The following FOXP1 variants were observed in gnomAD, a reference collection of about 807,000 sequenced individuals.
FOXP1 encodes the protein forkhead box P1.
Under a neutral mutation model 98.2 loss-of-function variants are expected in FOXP1, and 15 were observed. The ratio of observed to expected loss-of-function variants is 0.15; its 90% CI spans 0.10 to 0.24. The LOEUF is 0.24. Ranked by LOEUF, FOXP1 falls within the 10% of genes least tolerant of loss-of-function variation. The pLI is 1.00. For synonymous variants in FOXP1, 371 were observed against 314.5 expected (o/e 1.18, Z -1.90); for missense variants, 633 against 848.5 (o/e 0.75, Z 3.15).
intron 3 of FOXP1, among the ~76,000 whole-genome samples, chr3:71,476,955 G>A (rs2089900997): frequency 1.3e-5 from 2 of 152,146 alleles, no homozygotes; most frequent in Admixed American, 6.5e-5. Context: ...TTACTCATCT[G>A]AAGGAAACTT....
chr3:71,527,087 A>T (rs991371027), intron 2 of FOXP1, among the ~76,000 whole-genome samples: 3 of 152,016 alleles, frequency 2.0e-5, no homozygotes, highest in Admixed American at 2.0e-4. Context: ...CTCTAGGCTG[A>T]TGCAGACAAG....
intron 5 of FOXP1, among the ~76,000 whole-genome samples, chr3:71,207,630 C>T (rs1025117857): frequency 4.6e-5 from 7 of 152,314 alleles, no homozygotes; most frequent in African/African-American, 1.7e-4. Context: ...CCAGCCTCCA[C>T]CCTCACCCTG....
chr3:70,978,181 G>A (rs1320945568), intron 14 of FOXP1, 152 bp from the exon 15 acceptor site: 5 of 695,422 alleles, frequency 7.2e-6, no homozygotes, highest in Admixed American at 4.2e-5. Context: ...CACACGGTGA[G>A]TCCTGCGTGA....
In FOXP1 at chr3:71,456,197, C is replaced by T. The variant is rs149479120; in HGVS notation, c.-168+37229G>A. On this transcript the variant is annotated intron_variant, in intron 3 of 20. Coordinates refer to ENST00000649528, the MANE Select transcript of FOXP1 (RefSeq NM_001349338.3). ...TATGGGGCATACTTTTTGAAACCAA[C>T]AAACAAGTCGCCCTTGCTGTATTGC... 6.1e-4 allele frequency among the ~76,000 whole-genome samples: 93 copies of T among 152,180 alleles called. 1 individual carries two copies. The highest frequency in any genetic ancestry group is 2.1e-3 in the African/African-American group (88 of 41,526).
intron 12 of FOXP1, among the ~76,000 whole-genome samples, chr3:71,012,346 C>T (rs1366070876): frequency 6.6e-6 from 1 of 152,090 alleles, no homozygotes; most frequent in Non-Finnish European, 1.5e-5. Context: ...AAGAACAAAA[C>T]TAAGATTCTA....
intron 10 of FOXP1, among the ~76,000 whole-genome samples, chr3:71,042,185 T>C (rs2048440638): frequency 6.6e-6 from 1 of 152,218 alleles, no homozygotes; most frequent in African/African-American, 2.4e-5. Flanking sequence ...TAACTTTTTA[T>C]ACAAGTAACA....
At chr3:71,099,373 G>A (rs1298123481) in intron 7 of FOXP1, among the ~76,000 whole-genome samples, 2 of 152,092 alleles carry the variant, frequency 1.3e-5, no homozygotes, top group Admixed American at 6.5e-5. Flanking sequence ...TTGGCTGGGC[G>A]TGGTGGTGCG....
chr3:70,962,341 C>T (rs1045297099), intron 20 of FOXP1, among the ~76,000 whole-genome samples: 8 of 152,136 alleles, frequency 5.3e-5, no homozygotes. Flanking sequence ...TGTTGATTTA[C>T]CTCCTTAGGA....
intron 20 of FOXP1, 25 bp from the exon 21 acceptor site, chr3:70,959,416 G>GT: frequency 6.2e-7 from 1 of 1,613,950 alleles, no homozygotes; most frequent in Middle Eastern, 1.7e-4. Context: ...CAGAGGTTCA[G>GT]TGAGGGTACT....
intron 5 of FOXP1, among the ~76,000 whole-genome samples, chr3:71,225,189 G>T (rs2065737581): frequency 6.6e-6 from 1 of 152,228 alleles, no homozygotes; most frequent in African/African-American, 2.4e-5. Flanking sequence ...CTGTGATTCT[G>T]TTGCCATGTT....
At chr3:70,998,672 AT>A (rs1259439548) in intron 13 of FOXP1, among the ~76,000 whole-genome samples, 1 of 152,216 alleles carries the variant, frequency 6.6e-6, no homozygotes, top group African/African-American at 2.4e-5. Flanking sequence ...AGTTTGATTT[AT>A]AGCTGAAGGA....
chr3:70,989,590 T>G (rs2040291505), intron 13 of FOXP1, among the ~76,000 whole-genome samples: 1 of 152,308 alleles, frequency 6.6e-6, no homozygotes, highest in African/African-American at 2.4e-5. Context: ...TTATTATTTT[T>G]TTTAAAATGT....
At chr3:71,493,212 G>A (rs779766735) in intron 3 of FOXP1, among the ~76,000 whole-genome samples, 5 of 151,982 alleles carry the variant, frequency 3.3e-5, no homozygotes, top group African/African-American at 7.3e-5. Context: ...AAACAAACAA[G>A]CCAACAGAGG....
At chr3:71,000,834 T>TAAAAC (rs1559684253) in intron 13 of FOXP1, 138 bp downstream of exon 13, 2 of 344,784 alleles carry the variant, frequency 5.8e-6, no homozygotes, top group Non-Finnish European at 1.0e-5. Context: ...TAAAATAAAA[T>TAAAAC]AAAATAAAAT....
At chr3:71,177,312 T>C (rs2062000432) in intron 6 of FOXP1, among the ~76,000 whole-genome samples, 1 of 152,130 alleles carries the variant, frequency 6.6e-6, no homozygotes, top group Admixed American at 6.5e-5. Flanking sequence ...AAGGGCTCCA[T>C]CTGAAAATAG....
intron 3 of FOXP1, among the ~76,000 whole-genome samples, chr3:71,437,980 G>A (rs2085530241): frequency 6.6e-6 from 1 of 152,186 alleles, no homozygotes; most frequent in Non-Finnish European, 1.5e-5. Flanking sequence ...AATTAACATG[G>A]ATTGAAACAA....
In FOXP1 at chr3:70,956,571, C is replaced by T; in HGVS notation, c.*2676G>A. On this transcript the variant is annotated 3_prime_UTR_variant, in exon 21 of 21. Transcript: ENST00000649528. ...ACAGTTTCTCATGCTGTTATCTTTA[C>T]TCATGTCTAGCTACACATGCTGAGA... The T allele has an allele frequency of 8.7e-6, 2 of 229,502 alleles. No individual in the cohort carries two copies. Among genetic ancestry groups the T allele is most frequent in the Non-Finnish European group, 1.7e-5 (2 of 115,814 alleles). The allele number at this position is 229,502 out of a possible 1,614,324, so 14.2% of individuals were successfully genotyped here. A position where few individuals can be genotyped will look rare whatever the true frequency, so the allele number is the denominator to read the frequency against.
At position 71,053,617 on chromosome 3, in the gene FOXP1, G is replaced by C; in HGVS notation, c.420+19C>G. The stretch of plus-strand genomic sequence containing the variant: ...GGGTTCTGGGGGAGACAGGCTGGAG[G>C]TGGAGGAAGGACAATTACCTGTTGA... On this transcript the variant is annotated intron_variant, in intron 8 of 20. Coordinates refer to ENST00000649528, the MANE Select transcript of FOXP1 (RefSeq NM_001349338.3). 2 of 1,613,964 alleles carry C rather than the reference G, an allele frequency of 1.2e-6. No individual in the cohort carries two copies. Among genetic ancestry groups the C allele is most frequent in the Non-Finnish European group, 1.7e-6 (2 of 1,179,928 alleles).
intron 6 of FOXP1, among the ~76,000 whole-genome samples, chr3:71,173,973 G>C (rs947808387): frequency 6.6e-6 from 1 of 152,060 alleles, no homozygotes; most frequent in Non-Finnish European, 1.5e-5. Flanking sequence ...TGATTAGCAG[G>C]GGAACTTTAC....
Sources: gnomAD v4.1 joint callset for allele counts (sites outside exome capture counted in the v4.1 genomes callset) on GRCh38, gnomAD v4.1.1 for gene constraint, MANE v1.5 for transcripts, NCBI Gene and HGNC (gene_info 2026-07-23, HGNC 2026-07-21) for gene names.